Variants in ROBO1 observed in about 807,000 individuals in gnomAD.
ROBO1 encodes the protein roundabout homolog 1.
A neutral mutation model predicts 195.9 loss-of-function variants in ROBO1; 149 were observed. The ratio of observed to expected loss-of-function variants is 0.76; its 90% CI spans 0.67 to 0.87. The LOEUF (loss-of-function observed/expected upper bound fraction) is 0.87, where lower values mean the gene tolerates loss of function less well. Ranked by LOEUF, ROBO1 falls within the 40% of genes least tolerant of loss-of-function variation. The pLI is 0.00. For synonymous variants in ROBO1, 816 were observed against 733.2 expected, an observed-to-expected ratio of 1.11 and a Z score of -1.82; for missense variants, 1,933 against 2,068.3, an observed-to-expected ratio of 0.93 and a Z score of 1.27.
chr3:79,662,221 C>T (rs1020619519), intron 1 of ROBO1, among the ~76,000 whole-genome samples: 16 of 152,050 alleles, frequency 1.1e-4, no homozygotes, highest in East Asian at 1.9e-4. Flanking sequence ...CATTGAAAAA[C>T]GATCAAAGCA....
At chr3:78,805,224 A>G (rs1335433675) in intron 4 of ROBO1, among the ~76,000 whole-genome samples, 1 of 152,152 alleles carries the variant, frequency 6.6e-6, no homozygotes, top group African/African-American at 2.4e-5. Flanking sequence ...CTATGAAATT[A>G]AGAGATATTT....
intron 4 of ROBO1, among the ~76,000 whole-genome samples, chr3:78,785,239 C>G (rs1271083040): frequency 6.6e-6 from 1 of 152,178 alleles, no homozygotes; most frequent in Non-Finnish European, 1.5e-5. Context: ...ATGACTCATT[C>G]TTTTAATCTG....
chr3:78,789,322 G>A (rs186766109), intron 4 of ROBO1, among the ~76,000 whole-genome samples: 207 of 152,128 alleles, frequency 1.4e-3, no homozygotes, highest in African/African-American at 4.6e-3. Context: ...ATGTGGACCC[G>A]ACTTCAACTT....
At chr3:78,781,421 G>A (rs927721592) in intron 4 of ROBO1, among the ~76,000 whole-genome samples, 6 of 152,114 alleles carry the variant, frequency 3.9e-5, no homozygotes, top group Non-Finnish European at 7.3e-5. Flanking sequence ...AAAAGCTTCA[G>A]AAAAGTGAAG....
intron 3 of ROBO1, among the ~76,000 whole-genome samples, chr3:78,986,618 ACT>A (rs1161596037): frequency 6.6e-6 from 1 of 151,994 alleles, no homozygotes; most frequent in African/African-American, 2.4e-5. Flanking sequence ...TGGTGCACAA[ACT>A]CTGCTGCTTC....
In ROBO1 at chr3:79,274,416, T is replaced by C. The variant is rs953948362; in HGVS notation, c.89-148877A>G. 1.1e-4 allele frequency among the ~76,000 whole-genome samples: 17 copies of C among 151,838 alleles called. 1 individual carries two copies. The highest frequency in any genetic ancestry group is 1.1e-3 in the Admixed American group (17 of 15,224). On this transcript the variant is annotated intron_variant, in intron 2 of 30. Transcript: ENST00000464233. Reference sequence around the variant, plus strand: ...CTGAATGACCTGCGGGTCAATGAAGTAATTCAGAAGGAAATTTAAATATTT... The same window carrying C: ...CTGAATGACCTGCGGGTCAATGAAGCAATTCAGAAGGAAATTTAAATATTT...
intron 1 of ROBO1, among the ~76,000 whole-genome samples, chr3:79,681,225 G>A (rs1265361650): frequency 6.6e-6 from 1 of 151,972 alleles, no homozygotes; most frequent in African/African-American, 2.4e-5. Context: ...ATTTGGGTAG[G>A]AACGGCTTTA....
chr3:79,166,019 C>T (rs947106191), intron 2 of ROBO1, among the ~76,000 whole-genome samples: 1 of 152,160 alleles, frequency 6.6e-6, no homozygotes, highest in African/African-American at 2.4e-5. Context: ...CCACTCTACC[C>T]TTCCTGATGG....
At chr3:78,920,493 G>C (rs1343719887) in intron 4 of ROBO1, among the ~76,000 whole-genome samples, 1 of 151,788 alleles carries the variant, frequency 6.6e-6, no homozygotes, top group African/African-American at 2.4e-5. Flanking sequence ...TTTTAGTAGA[G>C]ACGGGATTTC....
intron 4 of ROBO1, among the ~76,000 whole-genome samples, chr3:78,846,958 A>G (rs2033709067): frequency 6.6e-6 from 1 of 152,118 alleles, no homozygotes; most frequent in South Asian, 2.1e-4. Flanking sequence ...CCAAGGGGAA[A>G]CACAGCTGCT....
chr3:78,831,344 C>T (rs915914646), intron 4 of ROBO1, among the ~76,000 whole-genome samples: 2 of 152,156 alleles, frequency 1.3e-5, no homozygotes, highest in Non-Finnish European at 2.9e-5. Context: ...AATGAAATTA[C>T]AAGTTCTTCC....
At position 79,181,300 on chromosome 3, in the gene ROBO1, C is replaced by A. The variant is rs141632697; in HGVS notation, c.89-55761G>T. On this transcript the variant is annotated intron_variant, in intron 2 of 30. Transcript: ENST00000464233. Reference sequence around the variant, plus strand: ...GATGGTAAGCTACCTAATCACAGAGCTTTTGCATTATTTAGCTTTGAATTG... The same window carrying A: ...GATGGTAAGCTACCTAATCACAGAGATTTTGCATTATTTAGCTTTGAATTG... Among the ~76,000 whole-genome samples, 715 of 152,206 alleles carry A rather than the reference C, an allele frequency of 4.7e-3. 5 individuals carry two copies. Among genetic ancestry groups the A allele is most frequent in the African/African-American group, 0.016 (684 of 41,536 alleles).
chr3:78,812,126 G>C (rs2084761746), intron 4 of ROBO1, among the ~76,000 whole-genome samples: 1 of 152,066 alleles, frequency 6.6e-6, no homozygotes, highest in Non-Finnish European at 1.5e-5. Flanking sequence ...TCTAAATCAA[G>C]AGTGAATTTT....
At chr3:79,363,845 T>C (rs985471165) in intron 2 of ROBO1, among the ~76,000 whole-genome samples, 1 of 152,182 alleles carries the variant, frequency 6.6e-6, no homozygotes, top group African/African-American at 2.4e-5. Flanking sequence ...AGAAACATAA[T>C]GACATATATT....
intron 2 of ROBO1, among the ~76,000 whole-genome samples, chr3:79,450,033 T>C (rs1452900423): frequency 6.6e-6 from 1 of 151,968 alleles, no homozygotes; most frequent in African/African-American, 2.4e-5. Context: ...TAAATTTCTT[T>C]GCAGGGATAC....
intron 1 of ROBO1, among the ~76,000 whole-genome samples, chr3:79,664,582 A>G (rs912858900): frequency 5.9e-5 from 9 of 152,158 alleles, no homozygotes; most frequent in African/African-American, 1.7e-4. Context: ...ATAACAAGGT[A>G]GCATTTCTTC....
At chr3:79,677,584 C>G (rs1298958615) in intron 1 of ROBO1, among the ~76,000 whole-genome samples, 1 of 151,972 alleles carries the variant, frequency 6.6e-6, no homozygotes, top group East Asian at 2.0e-4. Flanking sequence ...GTGGGTCTCC[C>G]CCACAACACG....
intron 2 of ROBO1, among the ~76,000 whole-genome samples, chr3:79,494,750 T>C (rs1939640912): frequency 6.6e-6 from 1 of 152,090 alleles, no homozygotes; most frequent in Non-Finnish European, 1.5e-5. Flanking sequence ...AGAAAACAAT[T>C]TCAAGATATA....
intron 2 of ROBO1, among the ~76,000 whole-genome samples, chr3:79,225,557 C>T (rs2082212807): frequency 6.6e-6 from 1 of 152,082 alleles, no homozygotes; most frequent in Non-Finnish European, 1.5e-5. Context: ...GAAATTTGGT[C>T]CACCTTAGAC....
Sources: allele counts gnomAD v4.1 joint callset (sites outside exome capture counted in the v4.1 genomes callset), GRCh38; gene constraint gnomAD v4.1.1; transcripts MANE v1.5; gene names NCBI Gene and HGNC (gene_info 2026-07-23, HGNC 2026-07-21).